Variants in SYNJ2 observed in about 807,000 individuals in gnomAD.
The protein encoded by SYNJ2 is polyphosphatidylinositol phosphatase SYNJ2.
In SYNJ2, 116 loss-of-function variants were observed where a neutral mutation model predicts 141.3. That is an observed-to-expected ratio of 0.82 (90% confidence interval 0.71 to 0.96). The LOEUF (loss-of-function observed/expected upper bound fraction) is 0.96, where lower values mean the gene tolerates loss of function less well. SYNJ2 is among the 40% of genes least tolerant of loss of function. SYNJ2 has a pLI of 0.00. For synonymous variants in SYNJ2, 745 were observed against 777.7 expected (o/e 0.96, Z 0.70); for missense variants, 1,873 against 1,934.8 (o/e 0.97, Z 0.60).
intron 2 of SYNJ2, among the ~76,000 whole-genome samples, chr6:158,026,293 G>T (rs1312468429): frequency 6.6e-6 from 1 of 152,210 alleles, no homozygotes; most frequent in African/African-American, 2.4e-5. Context: ...ACTTGCCCAG[G>T]CACTGTAGCT....
At position 158,043,147 on chromosome 6, in the gene SYNJ2, G is replaced by A. The variant is rs1391044578; in HGVS notation, c.712-169G>A. Among the ~76,000 whole-genome samples the A allele has an allele frequency of 5.3e-5, 8 of 152,192 alleles. No individual in the cohort carries two copies. Among genetic ancestry groups the A allele is most frequent in the South Asian group, 4.1e-4 (2 of 4,826 alleles). On this transcript the variant is annotated intron_variant, in intron 4 of 26. Coordinates refer to ENST00000355585, the MANE Select transcript of SYNJ2 (RefSeq NM_003898.4). This position sits in a 1 kb window ranked among gnomAD's most constrained non-coding sequence, Gnocchi z 4.0. ...CCAGCATGCCCGCCCAGTACCTGGC[G>A]AGAGGTCAGGGCGCATTGCCGGATG...
Position 158,071,914 on chromosome 6 carries a change from C to G in SYNJ2, c.2133+120C>G. ...AGGGAGGGCCCCTTCCTGGAGGGCT[C>G]AGCGCTGGGGGAGGGGGAGAGGGCT... On this transcript the variant is annotated intron_variant, in intron 15 of 26. Transcript: ENST00000355585. The surrounding 1 kb of genome is among the most constrained non-coding windows in gnomAD (Gnocchi z 4.3). The G allele has an allele frequency of 1.7e-6, 2 of 1,195,996 alleles. No individual in the cohort carries two copies. The highest frequency in any genetic ancestry group is 1.5e-5 in the South Asian group (1 of 65,630). The allele number at this position is 1,195,996 out of a possible 1,614,324, so 74.1% of individuals were successfully genotyped here.
Position 158,043,005 on chromosome 6 carries a change from G to C in SYNJ2, c.712-311G>C, listed in dbSNP as rs948100596. On this transcript the variant is annotated intron_variant, in intron 4 of 26. Coordinates refer to ENST00000355585, the MANE Select transcript of SYNJ2 (RefSeq NM_003898.4). The surrounding 1 kb of genome is among the most constrained non-coding windows in gnomAD (Gnocchi z 4.0). ...TCTATTCATACAGGGGGTGGCGGAAGGCTGTTCCTGGGATTTTCAGGGTGA... is the reference window on the plus strand; with the variant it reads ...TCTATTCATACAGGGGGTGGCGGAACGCTGTTCCTGGGATTTTCAGGGTGA... 2.0e-5 allele frequency among the ~76,000 whole-genome samples: 3 copies of C among 152,206 alleles called. No individual in the cohort carries two copies. The highest frequency in any genetic ancestry group is 7.2e-5 in the African/African-American group (3 of 41,442).
chr6:158,043,738 C>A lies in SYNJ2; in HGVS notation c.795+339C>A, dbSNP rs1780082188. Among the ~76,000 whole-genome samples the A allele has an allele frequency of 6.6e-6, 1 of 152,038 alleles. No individual in the cohort carries two copies. Among genetic ancestry groups the A allele is most frequent in the South Asian group, 2.1e-4 (1 of 4,818 alleles). ...ACTGCCTGAGGTTAGACCCTGAGTT[C>A]GGTGTACTGAGGACGTTTCTGAGAG... is the stretch of plus-strand genomic sequence containing the variant. On this transcript the variant is annotated intron_variant, in intron 5 of 26. Transcript: ENST00000355585. This position sits in a 1 kb window ranked among gnomAD's most constrained non-coding sequence, Gnocchi z 4.0.
At chr6:158,041,994 CG>C (rs777065632) in intron 4 of SYNJ2, among the ~76,000 whole-genome samples, 57 of 152,220 alleles carry the variant, frequency 3.7e-4, no homozygotes, top group Non-Finnish European at 7.9e-4. Context: ...GGACCGTAGG[CG>C]TGAGTCACTG....
rs767380559 is a variant in SYNJ2 at position 158,095,970 on chromosome 6, G to A, written c.4097G>A (p.Ser1366Asn). The A allele has an allele frequency of 6.2e-7, 1 of 1,614,162 alleles. No homozygotes were observed. The highest frequency in any genetic ancestry group is 1.7e-5 in the Admixed American group (1 of 60,028). Residue 1366 changes from serine to asparagine, a missense_variant, in exon 27 of 27, where the codon AGC (serine) becomes AAC (asparagine). Ser to Asn is a conservative substitution (Grantham distance 46). Transcript: ENST00000355585. Reference protein sequence around the residue: ...LQGLTYNSSDSPSGHPPAAGT... With the variant: ...LQGLTYNSSDNPSGHPPAAGT... The stretch of plus-strand genomic sequence containing the variant: ...GGCCTCACTTACAATAGCAGTGACA[G>A]CCCCTCTGGGCACCCACCTGCCGCG...
chr6:157,993,250 T>C (rs1354261336), intron 1 of SYNJ2, among the ~76,000 whole-genome samples: 4 of 152,218 alleles, frequency 2.6e-5, no homozygotes, highest in Non-Finnish European at 5.9e-5. Context: ...GATCTCTCAG[T>C]GTAGTTTTGA....
chr6:157,996,863 G>C (rs571419608), intron 1 of SYNJ2, among the ~76,000 whole-genome samples: 7 of 152,326 alleles, frequency 4.6e-5, no homozygotes, highest in African/African-American at 1.7e-4. Context: ...CCAAGAAGCA[G>C]ATGCTGCCAT....
chr6:158,087,286 G>A (rs1297021872), intron 23 of SYNJ2, among the ~76,000 whole-genome samples: 1 of 152,180 alleles, frequency 6.6e-6, no homozygotes, highest in Non-Finnish European at 1.5e-5. Flanking sequence ...AATGGGGGCC[G>A]CAGCCATGGG....
rs547054092 is a variant in SYNJ2 at position 158,066,479 on chromosome 6, C to G, written c.1561C>G (p.Gln521Glu). 36 of 1,614,162 alleles carry G rather than the reference C, an allele frequency of 2.2e-5. No homozygotes were observed. In the South Asian group the frequency reaches 3.8e-4, roughly 17 times the overall value. Residue 521 changes from glutamine to glutamate, a missense_variant, in exon 12 of 27, where the codon CAG (glutamine) becomes GAG (glutamate). By Grantham distance (29) the Gln-to-Glu change is conservative. Coordinates refer to ENST00000355585, the MANE Select transcript of SYNJ2 (RefSeq NM_003898.4). ...PRILKAMTER[Q>E]SEFTNFKRIR... ...GATCCTGAAAGCTATGACTGAGCGT[C>G]AGTCCGAATTCACAAATTTCAAGCG...
At chr6:158,088,549 C>T (rs1419338792) in intron 23 of SYNJ2, 111 bp from the exon 24 acceptor site, 15 of 766,728 alleles carry the variant, frequency 2.0e-5, no homozygotes, top group Admixed American at 1.6e-4. Flanking sequence ...CGGACCTCAC[C>T]GTGTCTGTGG....
intron 16 of SYNJ2, 117 bp downstream of exon 16, chr6:158,074,855 C>G (rs1008880825): frequency 2.4e-6 from 3 of 1,244,932 alleles, no homozygotes; most frequent in African/African-American, 3.1e-5. Flanking sequence ...CTGTTTCCAA[C>G]ATTGTAGAAA....
rs759885635 is a variant in SYNJ2 at position 158,070,055 on chromosome 6, T to C, written c.1940+382T>C. On this transcript the variant is annotated intron_variant, in intron 14 of 26. Coordinates refer to ENST00000355585, the MANE Select transcript of SYNJ2 (RefSeq NM_003898.4). The surrounding 1 kb of genome is among the most constrained non-coding windows in gnomAD (Gnocchi z 4.0). ...ACTCTTTTGTCCCTTTTTAAAAGAA[T>C]TCTAAGTAGAACGTGTGGGCCTCTA... 6.4e-6 allele frequency: 5 copies of C among 785,960 alleles called. No individual in the cohort carries two copies. Among genetic ancestry groups the C allele is most frequent in the Non-Finnish European group, 7.8e-6 (5 of 644,994 alleles). The allele number at this position is 785,960 out of a possible 1,614,324, so 48.7% of individuals were successfully genotyped here.
At chr6:158,090,156 A>G (rs1562408277) in intron 25 of SYNJ2, among the ~76,000 whole-genome samples, 1 of 152,242 alleles carries the variant, frequency 6.6e-6, no homozygotes. Context: ...TGTGTATATA[A>G]AAATCATCCC....
Position 158,088,661 on chromosome 6 carries a change from C to T in SYNJ2, c.3345C>T (p.Thr1115=), listed in dbSNP as rs771053045. ...CTCTGCCCTCGTTGGTTTTTACAGC[C>T]GGTTTAATGGTGAAAAAGTCGGCTT... ...PQPPQRPPPP[T]GLMVKKSASD... is the part of the protein sequence containing the mutation. Residue 1115 remains threonine (T), a splice_region_variant and synonymous_variant, in exon 24 of 27, where the codon ACC becomes ACT. Coordinates refer to ENST00000355585, the MANE Select transcript of SYNJ2 (RefSeq NM_003898.4). 1.1e-5 allele frequency: 18 copies of T among 1,613,160 alleles called. No homozygotes were observed. The highest frequency in any genetic ancestry group is 4.0e-5 in the African/African-American group (3 of 74,874).
At chr6:158,089,324 G>A (rs1213103962) in intron 24 of SYNJ2, among the ~76,000 whole-genome samples, 3 of 152,020 alleles carry the variant, frequency 2.0e-5, no homozygotes, top group Non-Finnish European at 4.4e-5. Context: ...TGGGTGCTAG[G>A]GGGAAACTGC....
At chr6:158,038,524 G>A (rs1779760296) in intron 4 of SYNJ2, among the ~76,000 whole-genome samples, 1 of 152,216 alleles carries the variant, frequency 6.6e-6, no homozygotes, top group Non-Finnish European at 1.5e-5. Context: ...CTGTGCTGAT[G>A]AGCCTGGAGG....
rs537040563 is a variant in SYNJ2 at position 158,070,285 on chromosome 6, G to A, written c.1940+612G>A. 4 of 985,424 alleles carry A rather than the reference G, an allele frequency of 4.1e-6. No homozygotes were observed. The African/African-American group carries it at 5.2e-5, about 13-fold the overall frequency. 61.0% of individuals were successfully genotyped at this position (985,424 alleles called of 1,614,324 possible). ...TTTGAATTTCCACCAGCCTTTCGGC[G>A]AGCTGGCAGCAGGCGTTGAACTGAC... On this transcript the variant is annotated intron_variant, in intron 14 of 26. Transcript: ENST00000355585. This position sits in a 1 kb window ranked among gnomAD's most constrained non-coding sequence, Gnocchi z 4.0.
rs901148515 is a variant in SYNJ2 at position 157,982,082 on chromosome 6, A to G, written c.121A>G (p.Thr41Ala). 2 of 1,332,766 alleles carry G rather than the reference A, an allele frequency of 1.5e-6. No homozygotes were observed. The allele number at this position is 1,332,766 out of a possible 1,614,324, so 82.6% of individuals were successfully genotyped here. The change falls in exon 1 of 27, where the codon ACG (threonine) becomes GCG (alanine). Residue 41 changes from threonine to alanine, a missense_variant. Physicochemically the swap from Thr to Ala is moderately conservative, Grantham distance 58. Coordinates refer to ENST00000355585, the MANE Select transcript of SYNJ2 (RefSeq NM_003898.4). This position sits in a 1 kb window ranked among gnomAD's most constrained non-coding sequence, Gnocchi z 4.0. Reference sequence around the variant, plus strand: ...GCTGTTCGAGGCCGGCACGGTGGCCACGCTGGGTGAGTCCGGGCCGGGGGC... The same window carrying G: ...GCTGTTCGAGGCCGGCACGGTGGCCGCGCTGGGTGAGTCCGGGCCGGGGGC... ...CLLFEAGTVA[T>A]LAPEEKEVIK...
Sources: allele counts gnomAD v4.1 joint callset (sites outside exome capture counted in the v4.1 genomes callset), GRCh38; gene constraint gnomAD v4.1.1; non-coding constraint Gnocchi (gnomAD v3.1); transcripts MANE v1.5; gene names NCBI Gene and HGNC (gene_info 2026-07-23, HGNC 2026-07-21).